Variants in CP observed in about 807,000 individuals in gnomAD.
CP encodes the protein ceruloplasmin.
Under a neutral mutation model 122.4 loss-of-function variants are expected in CP, and 64 were observed. The observed-to-expected ratio is 0.52, with a 90% CI of 0.43 to 0.64. The LOEUF (loss-of-function observed/expected upper bound fraction) is 0.64. Among genes scored for constraint, CP ranks in the 30% least tolerant of loss-of-function variants. CP has a pLI of 0.00. For synonymous variants in CP, 440 were observed against 436.4 expected, an observed-to-expected ratio of 1.01 and a Z score of -0.10; for missense variants, 1,167 against 1,284.4, an observed-to-expected ratio of 0.91 and a Z score of 1.40.
At chr3:149,192,762 T>C (rs1726626274) in intron 9 of CP, among the ~76,000 whole-genome samples, 1 of 151,894 alleles carries the variant, frequency 6.6e-6, no homozygotes, top group Non-Finnish European at 1.5e-5. Context: ...CACCAAGAAA[T>C]TGACTGAAGA....
At chr3:149,162,873 G>T (rs1559923620) in exon 6 of CP, 1 of 1,612,344 alleles carries the variant, frequency 6.2e-7, no homozygotes, top group South Asian at 1.1e-5. Context: ...AACATCGGAG[G>T]ATCTGGTAAG....
chr3:149,203,810 A>C (rs913657204), intron 6 of CP, among the ~76,000 whole-genome samples: 2 of 152,180 alleles, frequency 1.3e-5, no homozygotes, highest in African/African-American at 4.8e-5. Context: ...CGTGGACCTT[A>C]CATCTGGCAG....
chr3:149,169,176 C>T (rs567495568), downstream of CP, among the ~76,000 whole-genome samples: 12 of 152,140 alleles, frequency 7.9e-5, no homozygotes, highest in South Asian at 8.3e-4. Flanking sequence ...CAGCAATATG[C>T]CTCTCCTATA....
At chr3:149,193,511 TC>T (rs1243580440) in intron 9 of CP, among the ~76,000 whole-genome samples, 1 of 152,202 alleles carries the variant, frequency 6.6e-6, no homozygotes, top group East Asian at 1.9e-4. Context: ...GCAATTGTGA[TC>T]CCTTTTTTGT....
At chr3:149,212,858 G>A (rs531073957) in intron 1 of CP, among the ~76,000 whole-genome samples, 160 bp from the exon 2 acceptor site, 2 of 152,316 alleles carry the variant, frequency 1.3e-5, no homozygotes, top group South Asian at 4.1e-4. Context: ...TGGAGGGCTG[G>A]TAGTTAGCCC....
chr3:149,188,821 C>T (rs1001635908), intron 9 of CP, among the ~76,000 whole-genome samples: 1 of 152,030 alleles, frequency 6.6e-6, no homozygotes, highest in East Asian at 1.9e-4. Context: ...TCAAAGGAAT[C>T]AAAGCAAATG....
chr3:149,180,301 G>T (rs1468675292), intron 14 of CP, among the ~76,000 whole-genome samples: 1 of 152,056 alleles, frequency 6.6e-6, no homozygotes, highest in Non-Finnish European at 1.5e-5. Flanking sequence ...CCACATACAG[G>T]ACATAACCAC....
intron 17 of CP, among the ~76,000 whole-genome samples, chr3:149,177,596 C>T (rs532158950): frequency 1.3e-5 from 2 of 152,262 alleles, no homozygotes; most frequent in Non-Finnish European, 2.9e-5. Flanking sequence ...ATTTCATTTG[C>T]ATGGATTCAA....
chr3:149,203,812 A>C, intron 6 of CP, among the ~76,000 whole-genome samples: 1 of 152,164 alleles, frequency 6.6e-6, no homozygotes, highest in Non-Finnish European at 1.5e-5. Flanking sequence ...TGGACCTTAC[A>C]TCTGGCAGAG....
At chr3:149,193,267 T>G (rs1187233858) in intron 9 of CP, among the ~76,000 whole-genome samples, 1 of 152,268 alleles carries the variant, frequency 6.6e-6, no homozygotes, top group East Asian at 1.9e-4. Flanking sequence ...AATGGGCATA[T>G]CCTACTGTTT....
rs920798691 is a variant in CP at position 149,206,449 on chromosome 3, G to A, written c.1037-110C>T. 6 of 1,226,710 alleles carry A rather than the reference G, an allele frequency of 4.9e-6. No homozygotes were observed. The African/African-American group carries it at 9.0e-5, about 18-fold the overall frequency. 76.0% of individuals were successfully genotyped at this position (1,226,710 alleles called of 1,614,324 possible). On this transcript the variant is annotated intron_variant, in intron 5 of 18. Transcript: ENST00000264613. The stretch of plus-strand genomic sequence containing the variant: ...CAAGTAGAAATTGAAGGAATAGACA[G>A]ATAGCAACAGTACTATAAACTAGGG...
chr3:149,181,974 G>GGGGGGGGGCC, intron 14 of CP, 31 bp downstream of exon 14: 1 of 1,356,690 alleles, frequency 7.4e-7, no homozygotes, highest in South Asian at 1.2e-5. Flanking sequence ...CTGTTAAAAT[G>GGGGGGGGGCC]CACCACCCCC....
intron 5 of CP, among the ~76,000 whole-genome samples, chr3:149,164,844 A>G (rs959254937): frequency 2.0e-5 from 3 of 152,100 alleles, no homozygotes; most frequent in Non-Finnish European, 4.4e-5. Context: ...TCCTTATCCT[A>G]GCTGCCCTCA....
chr3:149,197,759 G>T (rs962655431), intron 9 of CP, among the ~76,000 whole-genome samples: 1 of 152,120 alleles, frequency 6.6e-6, no homozygotes, highest in Non-Finnish European at 1.5e-5. Flanking sequence ...CCCCTCACAT[G>T]CACAGTTCAC....
At chr3:149,172,318 TCACACACACACA>T (rs113015797), downstream of CP, 49 of 571,842 alleles carry the variant, frequency 8.6e-5, no homozygotes, top group Middle Eastern at 4.9e-4. Context: ...ATTTTATATA[TCACACACACACA>T]CACACACACA....
At chr3:149,176,707 C>G in intron 17 of CP, 1 of 337,556 alleles carries the variant, frequency 3.0e-6, no homozygotes, top group African/African-American at 2.1e-5. Context: ...TGTCATAGCA[C>G]TTAAGCTACA....
intron 13 of CP, among the ~76,000 whole-genome samples, chr3:149,182,853 T>C (rs1359305316): frequency 6.6e-6 from 1 of 152,018 alleles, no homozygotes; most frequent in Non-Finnish European, 1.5e-5. Flanking sequence ...GATAAATTGG[T>C]TAAGAATTTT....
At chr3:149,218,071 C>A in intron 1 of CP, 1 of 183,984 alleles carries the variant, frequency 5.4e-6, no homozygotes, top group South Asian at 1.2e-4. Flanking sequence ...CCTATGAAGT[C>A]AAGTATAAAA....
At position 149,207,362 on chromosome 3, in the gene CP, C is replaced by T. The variant is rs1727806720; in HGVS notation, c.1036+1G>A. 6.2e-7 allele frequency: 1 copy of T among 1,613,848 alleles called. No individual in the cohort carries two copies. Among genetic ancestry groups the T allele is most frequent in the South Asian group, 1.1e-5 (1 of 91,074 alleles). On this transcript the variant is annotated splice_donor_variant, in intron 5 of 18. Transcript: ENST00000264613. LOFTEE classifies it high-confidence loss of function. ...GCTAATTTCAGGTAAAGATGTCCTACCTTTCAGATGGTTTAGATTCTGACA... is the reference window on the plus strand; with the variant it reads ...GCTAATTTCAGGTAAAGATGTCCTATCTTTCAGATGGTTTAGATTCTGACA...
Sources: allele counts gnomAD v4.1 joint callset (sites outside exome capture counted in the v4.1 genomes callset), GRCh38; gene constraint gnomAD v4.1.1; transcripts MANE v1.5; gene names NCBI Gene and HGNC (gene_info 2026-07-23, HGNC 2026-07-21).